Variants in RNF144A observed in about 807,000 individuals in gnomAD.
The protein encoded by RNF144A is E3 ubiquitin-protein ligase RNF144A.
RNF144A carries 11 observed loss-of-function variants against 38.7 expected under a neutral mutation model. The ratio of observed to expected loss-of-function variants is 0.28; its 90% CI spans 0.18 to 0.47. The LOEUF (loss-of-function observed/expected upper bound fraction) is 0.47. Among genes scored for constraint, RNF144A ranks in the 20% least tolerant of loss-of-function variants. The probability of loss-of-function intolerance (pLI) is 0.99; values close to 1 mark genes in which losing one functional copy is unlikely to be tolerated. For synonymous variants in RNF144A, 149 were observed against 143.9 expected, an observed-to-expected ratio of 1.04 and a Z score of -0.25; for missense variants, 316 against 377.2, an observed-to-expected ratio of 0.84 and a Z score of 1.34.
intron 2 of RNF144A, among the ~76,000 whole-genome samples, chr2:6,996,065 T>C (rs1342504392): frequency 6.6e-6 from 1 of 152,154 alleles, no homozygotes; most frequent in East Asian, 1.9e-4. Context: ...ATAGCAATGG[T>C]TCTGCCCCTC....
intron 6 of RNF144A, among the ~76,000 whole-genome samples, chr2:7,059,799 G>A (rs1296924041): frequency 6.6e-6 from 1 of 152,312 alleles, no homozygotes; most frequent in South Asian, 2.1e-4. Context: ...CCAACTCAGA[G>A]GAGAAAGGGT....
intron 2 of RNF144A, among the ~76,000 whole-genome samples, chr2:6,992,640 T>G (rs548993161): frequency 1.6e-4 from 25 of 152,290 alleles, no homozygotes; most frequent in Non-Finnish European, 2.9e-4. Flanking sequence ...CTGCCTACCT[T>G]TCCAAGGTTT....
At chr2:6,994,361 A>G (rs1204496958) in intron 2 of RNF144A, among the ~76,000 whole-genome samples, 1 of 152,134 alleles carries the variant, frequency 6.6e-6, no homozygotes, top group Non-Finnish European at 1.5e-5. Context: ...TATAATTATC[A>G]TGTTGTCCAG....
Position 7,042,826 on chromosome 2 carries a change from G to A in RNF144A, c.*3066G>A. 1.0e-6 allele frequency: 1 copy of A among 985,472 alleles called. No homozygotes were observed. Among genetic ancestry groups the A allele is most frequent in the Non-Finnish European group, 1.2e-6 (1 of 829,944 alleles). The allele number at this position is 985,472 out of a possible 1,614,324, so 61.0% of individuals were successfully genotyped here. ...TCCTCCTCAACTCATAGGAGTAGCTGTGGACAGAGGAACCAACATCTGCCA... is the reference window on the plus strand; with the variant it reads ...TCCTCCTCAACTCATAGGAGTAGCTATGGACAGAGGAACCAACATCTGCCA... On this transcript the variant is annotated 3_prime_UTR_variant, in exon 9 of 9. Transcript: ENST00000320892.
intron 1 of RNF144A, among the ~76,000 whole-genome samples, chr2:6,919,605 T>A (rs1664402179): frequency 2.0e-5 from 1 of 49,988 alleles, no homozygotes; most frequent in Admixed American, 1.8e-4. Flanking sequence ...GAAGGCATGG[T>A]GTGGTGTGCC....
At chr2:7,024,146 T>A (rs953383889) in intron 6 of RNF144A, among the ~76,000 whole-genome samples, 3 of 152,244 alleles carry the variant, frequency 2.0e-5, no homozygotes, top group African/African-American at 4.8e-5. Flanking sequence ...TGTAATTTTT[T>A]AAAAATTTTT....
At chr2:6,972,780 A>T (rs879404627) in intron 2 of RNF144A, among the ~76,000 whole-genome samples, 1 of 152,204 alleles carries the variant, frequency 6.6e-6, no homozygotes, top group Non-Finnish European at 1.5e-5. Flanking sequence ...ACTCCCAGAG[A>T]AAAGGACCTA....
At chr2:6,973,401 G>T (rs1189932803) in intron 2 of RNF144A, among the ~76,000 whole-genome samples, 2 of 152,226 alleles carry the variant, frequency 1.3e-5, no homozygotes, top group African/African-American at 2.4e-5. Context: ...CATTTCTCCT[G>T]TGTATATCGG....
At position 6,996,909 on chromosome 2, in the gene RNF144A, G is replaced by A. The variant is rs372398337; in HGVS notation, c.-11-7G>A. 4.3e-5 allele frequency: 69 copies of A among 1,612,436 alleles called. 1 individual carries two copies. Among genetic ancestry groups the A allele is most frequent in the Middle Eastern group, 1.8e-4 (1 of 5,412 alleles). On this transcript the variant is annotated splice_polypyrimidine_tract_variant and splice_region_variant and intron_variant, in intron 2 of 8. Coordinates refer to ENST00000320892, the MANE Select transcript of RNF144A (RefSeq NM_014746.6). ...AGGTCTGACCTTCCGTGCTTCTCTC[G>A]TTTCAGACTGTTCTGCGATGACCAC...
intron 6 of RNF144A, among the ~76,000 whole-genome samples, chr2:7,052,768 T>C (rs1673580016): frequency 6.6e-6 from 1 of 152,020 alleles, no homozygotes; most frequent in South Asian, 2.1e-4. Flanking sequence ...ACCGAGGACC[T>C]TCCTGTTCTC....
intron 3 of RNF144A, among the ~76,000 whole-genome samples, chr2:7,000,028 G>A (rs1670001792): frequency 6.6e-6 from 1 of 152,170 alleles, no homozygotes; most frequent in African/African-American, 2.4e-5. Flanking sequence ...GTATTTCAGT[G>A]TGAAAGGGAC....
At chr2:7,003,269 A>T (rs1278088392) in intron 3 of RNF144A, among the ~76,000 whole-genome samples, 2 of 152,224 alleles carry the variant, frequency 1.3e-5, no homozygotes, top group African/African-American at 4.8e-5. Flanking sequence ...TAGCTGAAGT[A>T]TAGAGTGTTT....
chr2:7,032,939 G>C (rs961231408), intron 8 of RNF144A, among the ~76,000 whole-genome samples: 1 of 152,238 alleles, frequency 6.6e-6, no homozygotes, highest in Non-Finnish European at 1.5e-5. Context: ...CTGTAGGTAG[G>C]GGGTGACTGG....
rs546128360 is a variant in RNF144A, at chr2:7,008,765, G to A, written c.136-5689G>A. On this transcript the variant is annotated intron_variant, in intron 3 of 8. Transcript: ENST00000320892. ...ATAAACAGCCTCCGCATCCAGTCCT[G>A]CTGTCGTGCCTTGCTCCTGAGACCT... 6.6e-5 allele frequency among the ~76,000 whole-genome samples: 10 copies of A among 152,350 alleles called. 1 individual carries two copies. In the South Asian group the frequency reaches 1.7e-3, roughly 25 times the overall value.
chr2:6,920,184 C>T (rs1303165021), intron 1 of RNF144A, among the ~76,000 whole-genome samples: 2 of 152,196 alleles, frequency 1.3e-5, no homozygotes, highest in Non-Finnish European at 2.9e-5. Flanking sequence ...ACCACGTGGC[C>T]CCACTGCCTA....
At chr2:7,005,523 A>G (rs1384747432) in intron 3 of RNF144A, among the ~76,000 whole-genome samples, 10 of 152,108 alleles carry the variant, frequency 6.6e-5, no homozygotes, top group Admixed American at 6.5e-4. Context: ...GCAAAGAGCG[A>G]AGCTTCCAAC....
intron 6 of RNF144A, among the ~76,000 whole-genome samples, chr2:7,060,264 T>G (rs1673901328): frequency 6.8e-6 from 1 of 147,058 alleles, no homozygotes; most frequent in African/African-American, 2.5e-5. Context: ...TCCTGTTTTG[T>G]TTTTTTTTTT....
At chr2:7,032,297 C>T (rs1048176793) in intron 8 of RNF144A, among the ~76,000 whole-genome samples, 286 of 149,286 alleles carry the variant, frequency 1.9e-3, no homozygotes, top group African/African-American at 6.4e-3. Flanking sequence ...TGCTGGAATC[C>T]GCGCCCCTTG....
intron 6 of RNF144A, among the ~76,000 whole-genome samples, chr2:7,059,422 C>T (rs1223758471): frequency 3.3e-5 from 5 of 152,180 alleles, no homozygotes; most frequent in African/African-American, 7.2e-5. Context: ...GCTTTCAGTA[C>T]GTCCTGTTCT....
Sources: allele counts gnomAD v4.1 joint callset (sites outside exome capture counted in the v4.1 genomes callset), GRCh38; gene constraint gnomAD v4.1.1; transcripts MANE v1.5; gene names NCBI Gene and HGNC (gene_info 2026-07-23, HGNC 2026-07-21).